Variants in MYOM1 observed in about 807,000 individuals in gnomAD.
MYOM1 encodes myomesin 1.
MYOM1 carries 164 observed loss-of-function variants against 205.3 expected under a neutral mutation model. That is an observed-to-expected ratio of 0.80 (90% CI 0.70 to 0.91). The LOEUF is 0.91. MYOM1 is among the 40% of genes least tolerant of loss of function. MYOM1 has a pLI of 0.00. For synonymous variants in MYOM1, 772 were observed against 789.4 expected (o/e 0.98, Z 0.37); for missense variants, 2,011 against 2,127.3 (o/e 0.95, Z 1.08).
intron 23 of MYOM1, among the ~76,000 whole-genome samples, chr18:3,100,641 C>T (rs1332405709): frequency 3.3e-5 from 5 of 152,074 alleles, no homozygotes; most frequent in South Asian, 2.1e-4. Flanking sequence ...GTGATGGTGA[C>T]GGGAGAGTGG....
In MYOM1 at chr18:3,155,159, A is replaced by T. The variant is rs200443628; in HGVS notation, c.1502-71T>A. 2.5e-5 allele frequency: 36 copies of T among 1,464,816 alleles called. No individual in the cohort carries two copies. In the East Asian group the frequency reaches 8.1e-4, roughly 33 times the overall value. 90.7% of individuals were successfully genotyped at this position (1,464,816 alleles called of 1,614,324 possible). A position where few individuals can be genotyped will look rare whatever the true frequency, so the allele number is the denominator to read the frequency against. ...TCAGTCGGCAGGCAGGTCTCAGCGC[A>T]CACGCTTCTTACCACATCATCACAG... On this transcript the variant is annotated intron_variant, in intron 10 of 37. Transcript: ENST00000356443.
chr18:3,219,631 C>T lies in MYOM1; in HGVS notation c.-29+172G>A, dbSNP rs768628067. Among the ~76,000 whole-genome samples the T allele has an allele frequency of 6.6e-6, 1 of 152,110 alleles. No homozygotes were observed. The highest frequency in any genetic ancestry group is 2.4e-5 in the African/African-American group (1 of 41,400). On this transcript the variant is annotated intron_variant, in intron 1 of 37. Coordinates refer to ENST00000356443, the MANE Select transcript of MYOM1 (RefSeq NM_003803.4). This position sits in a 1 kb window ranked among gnomAD's most constrained non-coding sequence, Gnocchi z 4.4. ...AGAGCTGTGCCAGCCCGACTGGCAC[C>T]CGGCTGTTCTGGTTTCCCTCCCTGG...
intron 13 of MYOM1, among the ~76,000 whole-genome samples, chr18:3,147,476 G>A (rs952947990): frequency 1.3e-5 from 2 of 151,972 alleles, no homozygotes; most frequent in African/African-American, 4.8e-5. Context: ...TTGATAAGCT[G>A]ATTTTAAAAT....
chr18:3,101,468 A>G (rs1187935105), intron 23 of MYOM1, among the ~76,000 whole-genome samples: 1 of 152,206 alleles, frequency 6.6e-6, no homozygotes, highest in Non-Finnish European at 1.5e-5. Flanking sequence ...TAGAAAAAGA[A>G]ATCCGAGGTT....
rs769641065 is a variant in MYOM1, at chr18:3,151,869, C to T, written c.1668G>A (p.Trp556Ter). ...IDKCEVGTDSWSQCNDTPVKF... is the reference protein window; with the variant it reads ...IDKCEVGTDS ...TCACAGGTGTGTCATTGCACTGCGA[C>T]CAGCTATCTGTGCCCACCTCACACC... The change falls in exon 12 of 38, where the codon TGG (tryptophan) becomes TGA (stop). Residue 556 changes from tryptophan (W) to a stop codon, truncating the protein, a stop_gained. Coordinates refer to ENST00000356443, the MANE Select transcript of MYOM1 (RefSeq NM_003803.4). LOFTEE classifies it high-confidence loss of function. 6.2e-7 allele frequency: 1 copy of T among 1,612,722 alleles called. No homozygotes were observed. The highest frequency in any genetic ancestry group is 1.1e-5 in the South Asian group (1 of 90,942).
Position 3,094,288 on chromosome 18 carries a change from T to C in MYOM1, c.3746A>G (p.Glu1249Gly). The change falls in exon 26 of 38, where the codon GAG becomes GGG. Residue 1249 changes from glutamate (E) to glycine (G), a missense_variant. Transcript: ENST00000356443. ...HKFPTVPVKS[E>G]LAVEILEKGQ... ...TTTCTCCAAAATTTCAACTGCCAAC[T>C]CTGATTTAACTGGGACAGCTATGAA... 6.2e-7 allele frequency: 1 copy of C among 1,613,456 alleles called. No homozygotes were observed. Among genetic ancestry groups the C allele is most frequent in the African/African-American group, 1.3e-5 (1 of 74,924 alleles).
chr18:3,245,150 G>T, the MYOM1 span, among the ~76,000 whole-genome samples: 2 of 152,294 alleles, frequency 1.3e-5, no homozygotes, highest in Admixed American at 1.3e-4. Flanking sequence ...GTAGTATTTT[G>T]TATGGCAGCT....
chr18:3,168,113 G>A (rs1002671880), intron 9 of MYOM1, among the ~76,000 whole-genome samples: 6 of 152,096 alleles, frequency 3.9e-5, no homozygotes, highest in Non-Finnish European at 5.9e-5. Flanking sequence ...CCTTTAATAC[G>A]TTAAAACAAA....
chr18:3,182,642 A>C (rs2080752336), intron 5 of MYOM1, among the ~76,000 whole-genome samples: 1 of 152,162 alleles, frequency 6.6e-6, no homozygotes, highest in Non-Finnish European at 1.5e-5. Flanking sequence ...CCTCAGGGTC[A>C]ATAGCTTTTC....
At chr18:3,083,672 C>G (rs1465948945) in intron 33 of MYOM1, 117 bp downstream of exon 33, 5 of 663,150 alleles carry the variant, frequency 7.5e-6, no homozygotes, top group Non-Finnish European at 1.3e-5. Context: ...TCTCGAACTC[C>G]TGACCTCAAA....
At chr18:3,202,822 T>G (rs150755046) in intron 2 of MYOM1, among the ~76,000 whole-genome samples, 86 of 152,248 alleles carry the variant, frequency 5.6e-4, no homozygotes, top group African/African-American at 1.9e-3. Context: ...GTGACTGATC[T>G]TTCTTGAGTA....
chr18:3,083,820 C>T lies in MYOM1; in HGVS notation c.4453G>A (p.Val1485Met), dbSNP rs748318238. The part of the protein sequence containing the change: ...IQLYSFVTYY[V>M]EDLKVNWSHN... ...GACCAGTTAACTTTCAAATCCTCCACATAGTAAGTTACAAAAGAGTACAGT... is the reference window on the plus strand; with the variant it reads ...GACCAGTTAACTTTCAAATCCTCCATATAGTAAGTTACAAAAGAGTACAGT... The change falls in exon 33 of 38, where the codon GTG becomes ATG. Residue 1485 changes from valine (V) to methionine (M), a missense_variant. Physicochemically the swap from Val to Met is conservative, Grantham distance 21. Coordinates refer to ENST00000356443, the MANE Select transcript of MYOM1 (RefSeq NM_003803.4). 1.1e-5 allele frequency: 17 copies of T among 1,577,624 alleles called. No homozygotes were observed. In the Admixed American group the frequency reaches 1.1e-4, roughly 10 times the overall value.
In MYOM1 at chr18:3,116,517, TGAGA is replaced by T. The variant is rs370426885; in HGVS notation, c.3119-6_3119-3del. 7 of 1,516,700 alleles carry T rather than the reference TGAGA, an allele frequency of 4.6e-6. No homozygotes were observed. Among genetic ancestry groups the T allele is most frequent in the Non-Finnish European group, 5.3e-6 (6 of 1,128,454 alleles). The allele number at this position is 1,516,700 out of a possible 1,614,324, so 94.0% of individuals were successfully genotyped here. On this transcript the variant is annotated splice_region_variant and splice_polypyrimidine_tract_variant and intron_variant, in intron 20 of 37. Coordinates refer to ENST00000356443, the MANE Select transcript of MYOM1 (RefSeq NM_003803.4). ...TACACTTGAGACTGTGCGGTGGTCC[TGAGA>T]GAGAGAGAAGCCAATGAGTAGAAAT...
Position 3,120,806 on chromosome 18 carries a change from G to A in MYOM1, c.2992-811C>T, listed in dbSNP as rs142652306. ...TTTACTGAGTGACCTAATATTTTCC[G>A]TATCACTCAGTAGGAACTGGGTTGT... On this transcript the variant is annotated intron_variant, in intron 19 of 37. Coordinates refer to ENST00000356443, the MANE Select transcript of MYOM1 (RefSeq NM_003803.4). 4.5e-3 allele frequency among the ~76,000 whole-genome samples: 678 copies of A among 152,198 alleles called. 7 individuals carry two copies. Among genetic ancestry groups the A allele is most frequent in the East Asian group, 0.014 (72 of 5,190 alleles).
chr18:3,197,163 G>T (rs528592975), intron 2 of MYOM1, among the ~76,000 whole-genome samples: 6 of 145,820 alleles, frequency 4.1e-5, no homozygotes, highest in African/African-American at 1.5e-4. Context: ...TTGAGACGGA[G>T]TCTCACTCTG....
At chr18:3,070,721 A>G (rs1244206384) in intron 37 of MYOM1, among the ~76,000 whole-genome samples, 5 of 148,616 alleles carry the variant, frequency 3.4e-5, no homozygotes, top group African/African-American at 1.0e-4. Flanking sequence ...GAAAGAAACC[A>G]GAGGTGCATG....
chr18:3,155,496 T>C lies in MYOM1; in HGVS notation c.1502-408A>G, dbSNP rs563263085. Among the ~76,000 whole-genome samples, 8 of 152,338 alleles carry C rather than the reference T, an allele frequency of 5.3e-5. No individual in the cohort carries two copies. In the East Asian group the frequency reaches 9.6e-4, roughly 18 times the overall value. On this transcript the variant is annotated intron_variant, in intron 10 of 37. Coordinates refer to ENST00000356443, the MANE Select transcript of MYOM1 (RefSeq NM_003803.4). The stretch of plus-strand genomic sequence containing the variant: ...GCCTCGGCCTCCCAAAGTGCTGGGA[T>C]TACAGGCGTGAGCCATCACACCCGG...
chr18:3,166,191 A>T lies in MYOM1; in HGVS notation c.1340-1752T>A, dbSNP rs140596302. Among the ~76,000 whole-genome samples, 853 of 151,128 alleles carry T rather than the reference A, an allele frequency of 5.6e-3. 12 individuals carry two copies. Among genetic ancestry groups the T allele is most frequent in the Middle Eastern group, 0.017 (5 of 294 alleles). ...AGATCTCTTGGTCCTGTAAAATGGC[A>T]CCATTCACAGGCCCAAAAAGTCAGC... On this transcript the variant is annotated intron_variant, in intron 9 of 37. Coordinates refer to ENST00000356443, the MANE Select transcript of MYOM1 (RefSeq NM_003803.4).
In MYOM1 at chr18:3,129,298, G is replaced by A. The variant is rs759774051; in HGVS notation, c.2728C>T (p.Pro910Ser). The change falls in exon 18 of 38, where the codon CCA (proline) becomes TCA (serine). Residue 910 changes from proline (P) to serine (S), a missense_variant. Coordinates refer to ENST00000356443, the MANE Select transcript of MYOM1 (RefSeq NM_003803.4). ...CCCTGAGGAGCCGCTTTCTGTGGTG[G>A]CGGGGTAAGCTCTTCCTGAACTGTT... ...SETVQEELTP[P>S]PQKAAPQGKS... 2.5e-6 allele frequency: 4 copies of A among 1,613,982 alleles called. No individual in the cohort carries two copies. The highest frequency in any genetic ancestry group is 3.4e-6 in the Non-Finnish European group (4 of 1,179,880).
Sources: gnomAD v4.1 joint callset for allele counts (sites outside exome capture counted in the v4.1 genomes callset) on GRCh38, gnomAD v4.1.1 for gene constraint, Gnocchi (gnomAD v3.1) non-coding constraint, MANE v1.5 for transcripts, NCBI Gene and HGNC (gene_info 2026-07-23, HGNC 2026-07-21) for gene names.